ZNF439: variants seen among roughly 807,000 people sequenced by gnomAD.
ZNF439 encodes the protein zinc finger protein 439.
A neutral mutation model predicts 47.3 loss-of-function variants in ZNF439; 40 were observed. The ratio of observed to expected loss-of-function variants is 0.85; its 90% confidence interval spans 0.66 to 1.10. ZNF439 has a LOEUF of 1.10. ZNF439 is among the 50% of genes least tolerant of loss of function. ZNF439 has a pLI of 0.00. For synonymous variants in ZNF439, 171 were observed against 198.8 expected, an observed-to-expected ratio of 0.86 and a Z score of 1.18; for missense variants, 556 against 601.1, an observed-to-expected ratio of 0.93 and a Z score of 0.78.
chr19:11,853,373 G>A (rs777573526), intron 1 of ZNF439, among the ~76,000 whole-genome samples: 14 of 152,200 alleles, frequency 9.2e-5, no homozygotes, highest in Non-Finnish European at 1.9e-4. Flanking sequence ...GGGTCAGGGG[G>A]CTTCTTGCTT....
chr19:11,866,517 T>C lies in ZNF439; in HGVS notation c.191-20T>C, dbSNP rs76424539. On this transcript the variant is annotated intron_variant, in intron 2 of 3. Transcript: ENST00000682736. ...AATTTTATACTGCCTCAGGATTATT[T>C]TTCTGTGTTTGTATTTTAGGAAAAA... 9.0e-4 allele frequency: 1,458 copies of C among 1,612,228 alleles called. 6 individuals carry two copies. The highest frequency in any genetic ancestry group is 8.8e-3 in the African/African-American group (656 of 74,946).
chr19:11,853,712 T>G (rs1976311666), intron 1 of ZNF439, among the ~76,000 whole-genome samples: 1 of 152,160 alleles, frequency 6.6e-6, no homozygotes, highest in Non-Finnish European at 1.5e-5. Context: ...GCTCCCAACA[T>G]CTCTCCCTTT....
intron 1 of ZNF439, among the ~76,000 whole-genome samples, chr19:11,860,919 GTA>G: frequency 1.3e-5 from 2 of 152,300 alleles, no homozygotes; most frequent in South Asian, 4.1e-4. Flanking sequence ...ACAGTTTACT[GTA>G]TGATCATATA....
chr19:11,866,250 G>A lies in ZNF439; in HGVS notation c.109G>A (p.Glu37Lys), dbSNP rs1403626029. ...TGTGGCTGTGAACTTCACCCAGGAG[G>A]AGTGGGCTTTGCTGGATATTTCCCA... ...KDVAVNFTQE[E>K]WALLDISQKN... Residue 37 changes from glutamate (E) to lysine (K), a missense_variant, in exon 2 of 4, where the codon GAG becomes AAG. Coordinates refer to ENST00000682736, the MANE Select transcript of ZNF439 (RefSeq NM_001348719.2). 6.2e-7 allele frequency: 1 copy of A among 1,614,150 alleles called. No individual in the cohort carries two copies. The highest frequency in any genetic ancestry group is 8.5e-7 in the Non-Finnish European group (1 of 1,180,020).
In ZNF439 at chr19:11,867,815, A is replaced by G; in HGVS notation, c.761A>G (p.Lys254Arg). ...EKPYECKQCGKSFSYSATHRI... is the reference protein window; with the variant it reads ...EKPYECKQCGRSFSYSATHRI... ...CCGTATGAATGTAAACAATGTGGTAAATCTTTTAGTTATTCTGCTACCCAT... is the reference window on the plus strand; with the variant it reads ...CCGTATGAATGTAAACAATGTGGTAGATCTTTTAGTTATTCTGCTACCCAT... Residue 254 changes from lysine (K) to arginine (R), a missense_variant, in exon 4 of 4, where the codon AAA (lysine) becomes AGA (arginine). Lys to Arg is a conservative substitution (Grantham distance 26). Coordinates refer to ENST00000682736, the MANE Select transcript of ZNF439 (RefSeq NM_001348719.2). The G allele has an allele frequency of 6.2e-7, 1 of 1,613,946 alleles. No homozygotes were observed. Among genetic ancestry groups the G allele is most frequent in the Non-Finnish European group, 8.5e-7 (1 of 1,179,928 alleles).
rs1179547993 is a variant in ZNF439, at chr19:11,868,816, A to G, written c.*247A>G. On this transcript the variant is annotated 3_prime_UTR_variant, in exon 4 of 4. Coordinates refer to ENST00000682736, the MANE Select transcript of ZNF439 (RefSeq NM_001348719.2). ...AGGACACACACTGGAGAGAAACCCT[A>G]TGAATGTAAGAAATGTGGAAAAGCG... 12 of 584,740 alleles carry G rather than the reference A, an allele frequency of 2.1e-5. 1 individual carries two copies. The East Asian group carries it at 2.4e-4, about 12-fold the overall frequency. 36.2% of individuals were successfully genotyped at this position (584,740 alleles called of 1,614,324 possible). A position where few individuals can be genotyped will look rare whatever the true frequency, so the allele number is the denominator to read the frequency against.
At chr19:11,858,011 A>G (rs1254714600) in intron 1 of ZNF439, 3 of 152,202 alleles carry the variant, frequency 2.0e-5, no homozygotes, top group Non-Finnish European at 4.4e-5. Context: ...AGTCTCCTTC[A>G]ATGTTTGTCC....
chr19:11,868,002 T>A lies in ZNF439; in HGVS notation c.948T>A (p.Arg316=), dbSNP rs946599136. The A allele has an allele frequency of 6.2e-7, 1 of 1,614,022 alleles. No individual in the cohort carries two copies. Among genetic ancestry groups the A allele is most frequent in the African/African-American group, 1.3e-5 (1 of 74,916 alleles). Residue 316 remains arginine (R), a synonymous_variant, in exon 4 of 4, where the codon CGT becomes CGA. Coordinates refer to ENST00000682736, the MANE Select transcript of ZNF439 (RefSeq NM_001348719.2). The stretch of plus-strand genomic sequence containing the variant: ...GTGGAAAAGCATTCATGTGTCCCCG[T>A]TATGTTCGTAGACATGAAAGGACCC... ...KECGKAFMCP[R]YVRRHERTHS...
intron 1 of ZNF439, chr19:11,849,255 G>C: frequency 3.9e-6 from 4 of 1,024,116 alleles, no homozygotes; most frequent in Non-Finnish European, 4.7e-6. Flanking sequence ...GTCCGTAGGA[G>C]GAGCAGCGGT....
intron 1 of ZNF439, among the ~76,000 whole-genome samples, chr19:11,853,984 T>C (rs911463086): frequency 6.6e-6 from 1 of 152,236 alleles, no homozygotes; most frequent in Admixed American, 6.5e-5. Context: ...GAATTTTGTT[T>C]TGCAGTTCAC....
chr19:11,853,007 G>A (rs567989193), intron 1 of ZNF439, among the ~76,000 whole-genome samples: 11 of 152,122 alleles, frequency 7.2e-5, no homozygotes, highest in Non-Finnish European at 1.6e-4. Context: ...TCGGCTCACT[G>A]CAACCCCTGC....
intron 1 of ZNF439, chr19:11,849,234 G>T (rs917528154): frequency 2.9e-6 from 3 of 1,039,220 alleles, no homozygotes; most frequent in Admixed American, 5.5e-5. Flanking sequence ...TTCGACTCGG[G>T]TGTGGATTTC....
intron 1 of ZNF439, chr19:11,849,164 C>G: frequency 9.2e-7 from 1 of 1,090,370 alleles, no homozygotes. Flanking sequence ...TTGTGCAGCT[C>G]CGCGCCCGCA....
At chr19:11,856,667 C>T (rs1184287608) in intron 1 of ZNF439, 1 of 152,260 alleles carries the variant, frequency 6.6e-6, no homozygotes, top group African/African-American at 2.4e-5. Context: ...ACAAGTGGGA[C>T]AGGCTTGCGC....
intron 3 of ZNF439, 125 bp from the exon 4 acceptor site, chr19:11,867,181 A>T: frequency 8.5e-7 from 1 of 1,181,526 alleles, no homozygotes; most frequent in Non-Finnish European, 1.2e-6. Context: ...CCTTCAAACA[A>T]TTCAGACAGG....
At chr19:11,848,972 G>C in intron 1 of ZNF439, 42 bp downstream of exon 1, 1 of 1,507,596 alleles carries the variant, frequency 6.6e-7, no homozygotes, top group Non-Finnish European at 9.0e-7. Context: ...GGGAGGGGCT[G>C]CCTGGAACTG....
Position 11,868,439 on chromosome 19 carries a change from G to T in ZNF439, c.1385G>T (p.Arg462Leu), listed in dbSNP as rs141562312. The T allele has an allele frequency of 1.2e-6, 2 of 1,612,762 alleles. No homozygotes were observed. Among genetic ancestry groups the T allele is most frequent in the Middle Eastern group, 1.7e-4 (1 of 6,050 alleles). ...TCTGCCTCACAACTTCGAATCCATC[G>T]TAGGATTCACACTGGAGAGAAACCC... ...FRSASQLRIH[R>L]RIHTGEKPYE... Residue 462 changes from arginine (R) to leucine (L), a missense_variant, in exon 4 of 4, where the codon CGT becomes CTT. By Grantham distance (102) the Arg-to-Leu change is moderately radical. Coordinates refer to ENST00000682736, the MANE Select transcript of ZNF439 (RefSeq NM_001348719.2).
chr19:11,852,536 G>A (rs777434719), intron 1 of ZNF439, among the ~76,000 whole-genome samples: 5 of 152,294 alleles, frequency 3.3e-5, no homozygotes, highest in Admixed American at 2.0e-4. Context: ...TTGAGACGGG[G>A]TCTCACTCTG....
intron 1 of ZNF439, among the ~76,000 whole-genome samples, chr19:11,858,839 C>T (rs1976464170): frequency 6.6e-6 from 1 of 152,184 alleles, no homozygotes; most frequent in Admixed American, 6.5e-5. Flanking sequence ...TGACTCCTAG[C>T]CCTTTTCTAT....
Sources: gnomAD v4.1 joint callset for allele counts (sites outside exome capture counted in the v4.1 genomes callset) on GRCh38, gnomAD v4.1.1 for gene constraint, MANE v1.5 for transcripts, NCBI Gene and HGNC (gene_info 2026-07-23, HGNC 2026-07-21) for gene names.